Variants in CPNE4 observed in about 807,000 individuals in gnomAD.
CPNE4 encodes copine 4.
In CPNE4, 25 loss-of-function variants were observed where a neutral mutation model predicts 67.9. The observed-to-expected ratio is 0.37, with a 90% CI of 0.27 to 0.51. The LOEUF is 0.51. Ranked by LOEUF, CPNE4 falls within the 20% of genes least tolerant of loss-of-function variation. The pLI, the probability that CPNE4 is intolerant of heterozygous loss-of-function variation, is 0.93. For synonymous variants in CPNE4, 242 were observed against 244.9 expected (o/e 0.99, Z 0.11); for missense variants, 464 against 690.8 (o/e 0.67, Z 3.68).
chr3:131,955,953 T>C (rs2071956015), intron 1 of CPNE4, among the ~76,000 whole-genome samples: 1 of 152,180 alleles, frequency 6.6e-6, no homozygotes, highest in Admixed American at 6.5e-5. Flanking sequence ...CTAAAATCCA[T>C]TATACCTAGT....
intron 7 of CPNE4, among the ~76,000 whole-genome samples, chr3:131,615,582 A>C (rs968181541): frequency 2.0e-5 from 3 of 152,192 alleles, no homozygotes; most frequent in Non-Finnish European, 2.9e-5. Flanking sequence ...AACATGGTAC[A>C]TAAAAGTGTT....
In CPNE4 at chr3:131,766,005, A is replaced by G. The variant is rs2083001889; in HGVS notation, c.181-42380T>C. ...AGAATTCTACTGGGCTATGACAGGGAAGGTGGGCCTTGAAATTGATAGGTT... is the reference window on the plus strand; with the variant it reads ...AGAATTCTACTGGGCTATGACAGGGGAGGTGGGCCTTGAAATTGATAGGTT... On this transcript the variant is annotated intron_variant, in intron 2 of 15. Transcript: ENST00000429747. 2.0e-5 allele frequency among the ~76,000 whole-genome samples: 3 copies of G among 152,042 alleles called. No individual in the cohort carries two copies. In the South Asian group the frequency reaches 6.2e-4, roughly 32 times the overall value.
intron 2 of CPNE4, among the ~76,000 whole-genome samples, chr3:131,732,451 C>T (rs2082149312): frequency 6.6e-6 from 1 of 152,144 alleles, no homozygotes; most frequent in South Asian, 2.1e-4. Flanking sequence ...GGTTTCTTGG[C>T]CCAGCTCACC....
chr3:131,926,916 G>T (rs540930991), intron 1 of CPNE4, among the ~76,000 whole-genome samples: 10 of 152,212 alleles, frequency 6.6e-5, no homozygotes, highest in Admixed American at 6.5e-4. Flanking sequence ...AAGGAGTAGG[G>T]GTCTGAGGAT....
chr3:131,961,683 C>T (rs764110398), intron 1 of CPNE4, among the ~76,000 whole-genome samples: 1 of 152,150 alleles, frequency 6.6e-6, no homozygotes, highest in African/African-American at 2.4e-5. Context: ...AAGATCCACA[C>T]CTAGAGGACT....
chr3:131,967,780 C>T (rs946855274), intron 1 of CPNE4, among the ~76,000 whole-genome samples: 8 of 152,120 alleles, frequency 5.3e-5, no homozygotes, highest in African/African-American at 1.9e-4. Context: ...GGCCATATTG[C>T]CCAAAGTAAT....
intron 1 of CPNE4, among the ~76,000 whole-genome samples, chr3:131,918,029 G>A (rs1214330002): frequency 6.6e-6 from 1 of 152,214 alleles, no homozygotes; most frequent in East Asian, 1.9e-4. Flanking sequence ...TTATGTGTCT[G>A]TCCCAGTGCT....
chr3:131,644,050 AT>A (rs1283508329), intron 7 of CPNE4, among the ~76,000 whole-genome samples: 17 of 152,164 alleles, frequency 1.1e-4, no homozygotes, highest in African/African-American at 4.1e-4. Flanking sequence ...CACTTTTGGC[AT>A]AGTCTGTACC....
chr3:131,534,192 G>C lies in CPNE4; in HGVS notation c.*1003C>G, dbSNP rs1217283396. ...TGGTGTGTGATGCCACTTTTAAGAG[G>C]GCAGGGACTGGCCAGGAGGAGCACT... is the stretch of plus-strand genomic sequence containing the variant. On this transcript the variant is annotated 3_prime_UTR_variant, in exon 16 of 16. Transcript: ENST00000429747. 1 of 152,226 alleles carries C rather than the reference G, an allele frequency of 6.6e-6. No individual in the cohort carries two copies. The highest frequency in any genetic ancestry group is 1.5e-5 in the Non-Finnish European group (1 of 68,074). The allele number at this position is 152,226 out of a possible 1,614,324, so 9.4% of individuals were successfully genotyped here.
chr3:131,544,759 C>T (rs899816705), intron 14 of CPNE4, among the ~76,000 whole-genome samples: 3 of 152,066 alleles, frequency 2.0e-5, no homozygotes, highest in African/African-American at 7.2e-5. Context: ...CTAGAGTGCA[C>T]CTGGAAGACC....
chr3:131,653,918 T>A (rs6439313), intron 7 of CPNE4, among the ~76,000 whole-genome samples: 34,901 of 152,178 alleles, frequency 0.23, 4,871 homozygotes, highest in African/African-American at 0.4. Context: ...CTAGGGGCTG[T>A]CTCCTTAATA....
intron 1 of CPNE4, among the ~76,000 whole-genome samples, chr3:131,974,114 C>T (rs2072579319): frequency 6.6e-6 from 1 of 152,158 alleles, no homozygotes; most frequent in South Asian, 2.1e-4. Flanking sequence ...AGAATCTGTC[C>T]TACCAGAGAC....
chr3:131,876,237 TC>T (rs199618085), intron 2 of CPNE4, among the ~76,000 whole-genome samples: 8,742 of 107,122 alleles, frequency 0.082, 341 homozygotes, highest in East Asian at 0.2. Context: ...AGACTCGGTC[TC>T]AAAATAAATA....
At chr3:131,768,183 A>C (rs2083071579) in intron 2 of CPNE4, among the ~76,000 whole-genome samples, 1 of 151,946 alleles carries the variant, frequency 6.6e-6, no homozygotes, top group Non-Finnish European at 1.5e-5. Flanking sequence ...ATTTGCACCC[A>C]CTCATTCTAG....
chr3:131,695,079 C>T (rs2081119837), intron 5 of CPNE4, among the ~76,000 whole-genome samples: 1 of 152,184 alleles, frequency 6.6e-6, no homozygotes, highest in African/African-American at 2.4e-5. Context: ...TTTATGTTAT[C>T]ATTTTGCTCC....
intron 2 of CPNE4, among the ~76,000 whole-genome samples, chr3:131,780,830 A>G (rs1203633820): frequency 6.6e-6 from 1 of 152,022 alleles, no homozygotes; most frequent in Non-Finnish European, 1.5e-5. Flanking sequence ...TCTTGAACCT[A>G]AAATAGAAGT....
intron 7 of CPNE4, among the ~76,000 whole-genome samples, chr3:131,599,917 T>C (rs1375892229): frequency 5.9e-5 from 9 of 152,132 alleles, no homozygotes; most frequent in African/African-American, 2.2e-4. Context: ...AAAGAGTGTC[T>C]TTTCCCCAAA....
rs566361458 is a variant in CPNE4 at position 131,720,192 on chromosome 3, C to T, written c.360+3254G>A. Among the ~76,000 whole-genome samples the T allele has an allele frequency of 7.9e-5, 12 of 151,496 alleles. No homozygotes were observed. In the East Asian group the frequency reaches 2.3e-3, roughly 29 times the overall value. ...ATCTGTATTTCTTTGCTTGCAAGCT[C>T]TTTGTGATATTTGGAGTTTGCTACC... is the stretch of plus-strand genomic sequence containing the variant. On this transcript the variant is annotated intron_variant, in intron 3 of 15. Coordinates refer to ENST00000429747, the MANE Select transcript of CPNE4 (RefSeq NM_130808.3).
At chr3:131,742,934 A>G (rs565260802) in intron 2 of CPNE4, among the ~76,000 whole-genome samples, 1 of 152,186 alleles carries the variant, frequency 6.6e-6, no homozygotes, top group South Asian at 2.1e-4. Flanking sequence ...ATAGAAACTT[A>G]ATATTCATCT....
Sources: gnomAD v4.1 joint callset for allele counts (sites outside exome capture counted in the v4.1 genomes callset) on GRCh38, gnomAD v4.1.1 for gene constraint, MANE v1.5 for transcripts, NCBI Gene and HGNC (gene_info 2026-07-23, HGNC 2026-07-21) for gene names.